SLC35F3: variants seen among roughly 807,000 people sequenced by gnomAD.
SLC35F3 encodes putative thiamine transporter SLC35F3.
In SLC35F3, 25 loss-of-function variants were observed where a neutral mutation model predicts 49.9. The ratio of observed to expected loss-of-function variants is 0.50; its 90% CI spans 0.37 to 0.70. The LOEUF (loss-of-function observed/expected upper bound fraction) is 0.70, where lower values mean the gene tolerates loss of function less well. Among genes scored for constraint, SLC35F3 ranks in the 30% least tolerant of loss-of-function variants. SLC35F3 has a pLI of 0.00. For synonymous variants in SLC35F3, 275 were observed against 265.4 expected (o/e 1.04, Z -0.35); for missense variants, 525 against 639.8 (o/e 0.82, Z 1.94).
intron 4 of SLC35F3, among the ~76,000 whole-genome samples, chr1:234,314,309 C>T (rs1451663580): frequency 6.6e-6 from 1 of 152,196 alleles, no homozygotes; most frequent in Non-Finnish European, 1.5e-5. Flanking sequence ...GCAGCCCAGG[C>T]AGAAGCTTTT....
At chr1:234,117,381 C>T (rs929053398) in intron 2 of SLC35F3, among the ~76,000 whole-genome samples, 1 of 151,812 alleles carries the variant, frequency 6.6e-6, no homozygotes, top group Non-Finnish European at 1.5e-5. Context: ...CACCTGAGGT[C>T]GGAGTTTCCA....
At chr1:234,253,230 G>A (rs1572116918) in intron 3 of SLC35F3, among the ~76,000 whole-genome samples, 1 of 152,252 alleles carries the variant, frequency 6.6e-6, no homozygotes, top group Admixed American at 6.5e-5. Context: ...GGAGGCTGAG[G>A]CAGGAGGATC....
chr1:234,048,391 G>A (rs1664324561), intron 2 of SLC35F3, among the ~76,000 whole-genome samples: 1 of 152,150 alleles, frequency 6.6e-6, no homozygotes, highest in Admixed American at 6.5e-5. Flanking sequence ...CAGAAGCCAG[G>A]GATAGAGATG....
At chr1:234,145,880 G>C (rs1665988372) in intron 2 of SLC35F3, among the ~76,000 whole-genome samples, 1 of 151,974 alleles carries the variant, frequency 6.6e-6, no homozygotes, top group African/African-American at 2.4e-5. Flanking sequence ...CCTTTATTAT[G>C]TATACTGTCC....
At position 234,026,328 on chromosome 1, in the gene SLC35F3, G is replaced by C. The variant is rs1471251365; in HGVS notation, c.283+120570G>C. Reference sequence around the variant, plus strand: ...TTTTAGAATAGTTTTTTATAGTTCTGTAAGGAACAAAGGTTGATAAATTAC... The same window carrying C: ...TTTTAGAATAGTTTTTTATAGTTCTCTAAGGAACAAAGGTTGATAAATTAC... On this transcript the variant is annotated intron_variant, in intron 2 of 7. Transcript: ENST00000366618. Among the ~76,000 whole-genome samples, 6 of 152,142 alleles carry C rather than the reference G, an allele frequency of 3.9e-5. No individual in the cohort carries two copies. The East Asian group carries it at 1.2e-3, about 29-fold the overall frequency.
At position 234,299,327 on chromosome 1, in the gene SLC35F3, C is replaced by A. The variant is rs370000288; in HGVS notation, c.609-9774C>A. 1.5e-3 allele frequency among the ~76,000 whole-genome samples: 226 copies of A among 152,198 alleles called. 1 individual carries two copies. Among genetic ancestry groups the A allele is most frequent in the African/African-American group, 5.3e-3 (218 of 41,512 alleles). On this transcript the variant is annotated intron_variant, in intron 3 of 7. Coordinates refer to ENST00000366618, the MANE Select transcript of SLC35F3 (RefSeq NM_173508.4). ...AACTGGGAGAAGCCCTTGTAAACAA[C>A]CAATACTTTTAGTTGAGACCAACGA...
intron 2 of SLC35F3, among the ~76,000 whole-genome samples, chr1:234,217,435 A>G (rs1667138893): frequency 6.6e-6 from 1 of 152,252 alleles, no homozygotes; most frequent in Admixed American, 6.5e-5. Flanking sequence ...ATACAGATAG[A>G]TAGATAAATT....
intron 2 of SLC35F3, among the ~76,000 whole-genome samples, chr1:234,169,798 C>T (rs544624937): frequency 3.9e-5 from 6 of 152,156 alleles, no homozygotes; most frequent in South Asian, 4.2e-4. Flanking sequence ...GTTGGAGTCT[C>T]ACTCTGTCTC....
chr1:234,199,953 G>T (rs768274884), intron 2 of SLC35F3, among the ~76,000 whole-genome samples: 2 of 152,202 alleles, frequency 1.3e-5, no homozygotes, highest in Non-Finnish European at 2.9e-5. Flanking sequence ...CCTCATACCT[G>T]TTAGAATGCA....
At chr1:233,969,286 A>G (rs1388568389) in intron 2 of SLC35F3, among the ~76,000 whole-genome samples, 3 of 152,178 alleles carry the variant, frequency 2.0e-5, no homozygotes, top group East Asian at 1.9e-4. Context: ...CTGATTTTCA[A>G]TGGGCAGAGA....
At chr1:234,090,984 C>T (rs953393622) in intron 2 of SLC35F3, among the ~76,000 whole-genome samples, 8 of 152,220 alleles carry the variant, frequency 5.3e-5, no homozygotes, top group Non-Finnish European at 1.2e-4. Context: ...GTTCCTGACA[C>T]ACCACTGAGT....
intron 3 of SLC35F3, among the ~76,000 whole-genome samples, chr1:234,306,159 TTTTG>T (rs1271693436): frequency 6.6e-6 from 1 of 152,150 alleles, no homozygotes. Context: ...TGCTGGGTTT[TTTTG>T]TTTGTTTGTT....
intron 2 of SLC35F3, among the ~76,000 whole-genome samples, chr1:233,971,512 G>A (rs2102817314): frequency 6.6e-6 from 1 of 152,258 alleles, no homozygotes; most frequent in South Asian, 2.1e-4. Flanking sequence ...ACAAGGTCAG[G>A]AGTTCAAGAC....
At chr1:234,280,734 A>G (rs1668309778) in intron 3 of SLC35F3, among the ~76,000 whole-genome samples, 1 of 152,110 alleles carries the variant, frequency 6.6e-6, no homozygotes, top group Non-Finnish European at 1.5e-5. Context: ...ACTCTATCTC[A>G]CTTCCACCGC....
rs112283825 is a variant in SLC35F3 at position 234,130,470 on chromosome 1, C to G, written c.284-100947C>G. On this transcript the variant is annotated intron_variant, in intron 2 of 7. Coordinates refer to ENST00000366618, the MANE Select transcript of SLC35F3 (RefSeq NM_173508.4). ...CCTGGCTAACACGGTGAAACCCCGT[C>G]TCTAAAAAAAAAAAAAAAATTAGCC... Among the ~76,000 whole-genome samples the G allele has an allele frequency of 1.9e-4, 6 of 30,936 alleles. No homozygotes were observed. In the East Asian group the frequency reaches 4.7e-3, roughly 24 times the overall value. The allele number at this position is 30,936 out of a possible 152,430, so 20.3% of individuals were successfully genotyped here.
intron 2 of SLC35F3, among the ~76,000 whole-genome samples, chr1:234,041,404 A>G (rs1664219519): frequency 6.6e-6 from 1 of 152,148 alleles, no homozygotes; most frequent in Non-Finnish European, 1.5e-5. Context: ...CCAGACCTGA[A>G]ATTGATATAC....
At chr1:233,930,777 T>C (rs184354065) in intron 2 of SLC35F3, among the ~76,000 whole-genome samples, 1 of 152,330 alleles carries the variant, frequency 6.6e-6, no homozygotes, top group Admixed American at 6.5e-5. Context: ...GAAAATGTTA[T>C]TAAGAGAATC....
chr1:234,177,782 C>G (rs541005688), intron 2 of SLC35F3, among the ~76,000 whole-genome samples: 98 of 152,340 alleles, frequency 6.4e-4, no homozygotes, highest in African/African-American at 2.2e-3. Context: ...TTACTCTTAA[C>G]TCAGTCCGTG....
At chr1:234,165,645 C>T (rs1233986292) in intron 2 of SLC35F3, among the ~76,000 whole-genome samples, 1 of 152,190 alleles carries the variant, frequency 6.6e-6, no homozygotes, top group East Asian at 1.9e-4. Context: ...CTCTGCCTCC[C>T]TATGTACTGG....
Sources: allele counts gnomAD v4.1 joint callset (sites outside exome capture counted in the v4.1 genomes callset), GRCh38; gene constraint gnomAD v4.1.1; transcripts MANE v1.5; gene names NCBI Gene and HGNC (gene_info 2026-07-23, HGNC 2026-07-21).